Variants in CFAP92 observed in about 807,000 individuals in gnomAD.
CFAP92 encodes the protein uncharacterized protein CFAP92.
In CFAP92, 86 loss-of-function variants were observed where a neutral mutation model predicts 106.3. The observed-to-expected ratio is 0.81, with a 90% CI of 0.68 to 0.97. The LOEUF is 0.97. Among genes scored for constraint, CFAP92 ranks in the 50% least tolerant of loss-of-function variants. The pLI is 0.00. For missense variants in CFAP92, 1,204 were observed against 1,283.8 expected, an observed-to-expected ratio of 0.94 and a Z score of 0.95; for synonymous variants, 477 against 506.4, an observed-to-expected ratio of 0.94 and a Z score of 0.78.
chr3:129,001,389 G>C (rs908999543), intron 1 of CFAP92, among the ~76,000 whole-genome samples: 1 of 152,232 alleles, frequency 6.6e-6, no homozygotes, highest in Admixed American at 6.5e-5. Flanking sequence ...CCGGGCACTG[G>C]TGGCGCTGCC....
chr3:128,963,048 C>T (rs1188206578), intron 9 of CFAP92, among the ~76,000 whole-genome samples: 1 of 152,208 alleles, frequency 6.6e-6, no homozygotes, highest in African/African-American at 2.4e-5. Flanking sequence ...AGCAAATTAC[C>T]TGGGCTGTAC....
chr3:128,975,935 AG>A, intron 6 of CFAP92, 32 bp from the exon 7 acceptor site: 1 of 1,577,304 alleles, frequency 6.3e-7, no homozygotes, highest in South Asian at 1.2e-5. Context: ...AAATTAATGA[AG>A]GTGAAAAAAA....
chr3:128,963,820 G>C (rs2107765185), intron 9 of CFAP92, among the ~76,000 whole-genome samples: 1 of 150,098 alleles, frequency 6.7e-6, no homozygotes, highest in South Asian at 2.1e-4. Flanking sequence ...TGTTCCATCT[G>C]CTATTCTACT....
intron 12 of CFAP92, among the ~76,000 whole-genome samples, chr3:128,919,267 A>G (rs1437126878): frequency 6.6e-6 from 1 of 152,062 alleles, no homozygotes; most frequent in African/African-American, 2.4e-5. Context: ...CAAGCTAACA[A>G]TATGCTATCT....
intron 7 of CFAP92, among the ~76,000 whole-genome samples, chr3:128,974,913 G>C (rs1271665461): frequency 1.3e-5 from 2 of 151,828 alleles, no homozygotes; most frequent in Non-Finnish European, 1.5e-5. Context: ...GAGGTCAGGA[G>C]ATCGAGACGA....
intron 12 of CFAP92, among the ~76,000 whole-genome samples, chr3:128,920,343 G>C (rs1339281670): frequency 6.6e-6 from 1 of 152,110 alleles, no homozygotes; most frequent in Non-Finnish European, 1.5e-5. Context: ...GGCGGAGTTT[G>C]CAGTGAGCCA....
intron 12 of CFAP92, among the ~76,000 whole-genome samples, chr3:128,920,658 G>A (rs373506421): frequency 1.6e-4 from 25 of 152,232 alleles, no homozygotes; most frequent in African/African-American, 3.9e-4. Flanking sequence ...CATGTCCGGC[G>A]TCCAGGGTCT....
chr3:128,912,570 C>A (rs767206706), intron 15 of CFAP92: 35 of 1,614,044 alleles, frequency 2.2e-5, no homozygotes, highest in Non-Finnish European at 2.8e-5. Flanking sequence ...GAGAAGCGAG[C>A]CTATATCTGT....
chr3:129,018,120 A>G, the CFAP92 span, among the ~76,000 whole-genome samples: 6 of 152,310 alleles, frequency 3.9e-5, no homozygotes, highest in East Asian at 1.2e-3. Flanking sequence ...ATTATTCTAT[A>G]ACCTAATAGG....
chr3:128,997,235 GAC>G (rs1425872640), upstream of CFAP92, among the ~76,000 whole-genome samples: 7 of 152,160 alleles, frequency 4.6e-5, no homozygotes, highest in African/African-American at 1.7e-4. Context: ...GCTATCCCAA[GAC>G]TCTGGCAGCT....
chr3:128,913,111 G>A lies in CFAP92; in HGVS notation c.3280+2008C>T, dbSNP rs549991044. 1.7e-4 allele frequency: 76 copies of A among 448,382 alleles called. No individual in the cohort carries two copies. The highest frequency in any genetic ancestry group is 7.0e-4 in the Middle Eastern group (1 of 1,422). The allele number at this position is 448,382 out of a possible 1,614,324, so 27.8% of individuals were successfully genotyped here. On this transcript the variant is annotated intron_variant, in intron 15 of 15. Transcript: ENST00000645291. ...TATAAAATGTCACAATCTGTGTACT[G>A]TTAGCCTTTGCTGTACTTGTCACAC...
Position 128,915,472 on chromosome 3 carries a change from T to A in CFAP92, c.3008A>T (p.Lys1003Met). The part of the protein sequence containing the change: ...DLKEEEKKAQ[K>M]KSRQAWLTAR... ...TGTGAGCCAGGCCTGGCGGGATTTC[T>A]TCTGGGCTTTCTTCTCCTCTTCCTT... Residue 1003 changes from lysine (K) to methionine (M), a missense_variant, in exon 14 of 16, where the codon AAG (lysine) becomes ATG (methionine). Transcript: ENST00000645291. The A allele has an allele frequency of 6.5e-7, 1 of 1,534,760 alleles. No individual in the cohort carries two copies. The highest frequency in any genetic ancestry group is 1.2e-5 in the South Asian group (1 of 84,062).
At chr3:128,910,649 C>T (rs2107666194) in intron 15 of CFAP92, 1 of 1,376,806 alleles carries the variant, frequency 7.3e-7, no homozygotes, top group Non-Finnish European at 1.0e-6. Context: ...CCCTGCCATG[C>T]TACCCAGTTT....
At chr3:129,003,724 G>A, upstream of CFAP92, 3 of 1,262,248 alleles carry the variant, frequency 2.4e-6, no homozygotes, top group Non-Finnish European at 1.0e-6. Flanking sequence ...GGCCGCCGTC[G>A]TGGCGGGCGT....
the CFAP92 span, among the ~76,000 whole-genome samples, chr3:129,021,602 C>T: frequency 6.6e-6 from 1 of 151,094 alleles, no homozygotes; most frequent in African/African-American, 2.5e-5. Flanking sequence ...ACAAAAAACA[C>T]TGGCAGTCCT....
intron 4 of CFAP92, among the ~76,000 whole-genome samples, chr3:128,979,972 A>ATATAT (rs59347397): frequency 2.1e-5 from 3 of 144,826 alleles, no homozygotes; most frequent in Non-Finnish European, 3.0e-5. Flanking sequence ...ATATATATAT[A>ATATAT]AAAGAAAAAA....
chr3:128,929,529 C>T (rs1184891876), intron 12 of CFAP92, among the ~76,000 whole-genome samples: 3 of 151,946 alleles, frequency 2.0e-5, no homozygotes, highest in Non-Finnish European at 4.4e-5. Context: ...ATAGTAATTC[C>T]AAAAAGTGGT....
intron 15 of CFAP92, among the ~76,000 whole-genome samples, chr3:128,912,313 A>T (rs1936420645): frequency 6.6e-6 from 1 of 152,134 alleles, no homozygotes; most frequent in African/African-American, 2.4e-5. Flanking sequence ...GTCCTTTGTA[A>T]CTGAGAATGA....
chr3:128,999,541 T>C (rs2107837635), intron 1 of CFAP92, among the ~76,000 whole-genome samples: 1 of 142,782 alleles, frequency 7.0e-6, no homozygotes, highest in South Asian at 2.4e-4. Flanking sequence ...CTTTTTTTTT[T>C]TTTTTTTTTT....
Sources: gnomAD v4.1 joint callset for allele counts (sites outside exome capture counted in the v4.1 genomes callset) on GRCh38, gnomAD v4.1.1 for gene constraint, MANE v1.5 for transcripts, NCBI Gene and HGNC (gene_info 2026-07-23, HGNC 2026-07-21) for gene names.